The following FAR2 variants were observed in gnomAD, a reference collection of about 807,000 sequenced individuals.
The protein encoded by FAR2 is epididymis secretory protein Li 81.
In FAR2, 19 loss-of-function variants were observed where a neutral mutation model predicts 56.0. The observed-to-expected ratio is 0.34, with a 90% CI of 0.24 to 0.50. The LOEUF (loss-of-function observed/expected upper bound fraction) is 0.50. Among genes scored for constraint, FAR2 ranks in the 20% least tolerant of loss-of-function variants. FAR2 has a pLI of 0.98. For missense variants in FAR2, 508 were observed against 642.2 expected (o/e 0.79, Z 2.26); for synonymous variants, 219 against 218.8 (o/e 1.00, Z -0.01).
chr12:29,212,299 C>G (rs1947559995), intron 1 of FAR2, among the ~76,000 whole-genome samples: 1 of 151,916 alleles, frequency 6.6e-6, no homozygotes, highest in Admixed American at 6.6e-5. Context: ...AATCTAGTGA[C>G]CCATTTTAGG....
At chr12:29,272,430 A>C (rs1213433989) in intron 2 of FAR2, among the ~76,000 whole-genome samples, 3 of 152,170 alleles carry the variant, frequency 2.0e-5, no homozygotes, top group East Asian at 1.9e-4. Context: ...TCAGCTGCTG[A>C]TAACTGTGTA....
intron 1 of FAR2, among the ~76,000 whole-genome samples, chr12:29,197,623 A>G (rs557853662): frequency 1.3e-5 from 2 of 152,328 alleles, no homozygotes; most frequent in African/African-American, 4.8e-5. Flanking sequence ...GAAGCAAAAT[A>G]TGGATCCAGT....
intron 4 of FAR2, among the ~76,000 whole-genome samples, chr12:29,306,295 A>T (rs1020739859): frequency 2.0e-5 from 3 of 152,230 alleles, no homozygotes; most frequent in African/African-American, 7.2e-5. Context: ...AAGACATTTG[A>T]GTATCCAGAA....
At chr12:29,221,068 A>ATTT (rs1465721163) in intron 1 of FAR2, among the ~76,000 whole-genome samples, 1 of 151,858 alleles carries the variant, frequency 6.6e-6, no homozygotes, top group East Asian at 1.9e-4. Context: ...GCATGAAGTG[A>ATTT]GCGTGCGTAC....
chr12:29,247,100 G>T (rs1318377800), intron 1 of FAR2, among the ~76,000 whole-genome samples: 1 of 151,928 alleles, frequency 6.6e-6, no homozygotes, highest in Non-Finnish European at 1.5e-5. Context: ...CAATTTATTG[G>T]CACAGGTTAC....
rs956935952 is a variant in FAR2, at chr12:29,310,309, G to A, written c.769-719G>A. Among the ~76,000 whole-genome samples the A allele has an allele frequency of 5.9e-5, 9 of 152,136 alleles. No individual in the cohort carries two copies. The East Asian group carries it at 1.7e-3, about 29-fold the overall frequency. On this transcript the variant is annotated intron_variant, in intron 6 of 11. Coordinates refer to ENST00000536681, the MANE Select transcript of FAR2 (RefSeq NM_001271783.2). Reference sequence around the variant, plus strand: ...GCTAGTTATAAGAAAACAGAACTGAGTAACATAAGAAAGTGCTAATCGTTG... The same window carrying A: ...GCTAGTTATAAGAAAACAGAACTGAATAACATAAGAAAGTGCTAATCGTTG...
chr12:29,236,772 T>C (rs1591878018), intron 1 of FAR2, among the ~76,000 whole-genome samples: 1 of 152,216 alleles, frequency 6.6e-6, no homozygotes, highest in East Asian at 1.9e-4. Flanking sequence ...ATTATATCAT[T>C]TCCTTTGGTA....
chr12:29,199,795 T>A (rs1190887644), intron 1 of FAR2, among the ~76,000 whole-genome samples: 3 of 152,128 alleles, frequency 2.0e-5, no homozygotes, highest in Non-Finnish European at 4.4e-5. Context: ...ACTTTATAGA[T>A]TGATCTTATG....
At chr12:29,324,180 T>A (rs1247828082) in intron 10 of FAR2, among the ~76,000 whole-genome samples, 1 of 151,762 alleles carries the variant, frequency 6.6e-6, no homozygotes, top group African/African-American at 2.4e-5. Flanking sequence ...AAATGAAGCG[T>A]GAAGAGAAGT....
At chr12:29,175,283 G>A (rs1190958568) in intron 1 of FAR2, among the ~76,000 whole-genome samples, 5 of 152,242 alleles carry the variant, frequency 3.3e-5, no homozygotes, top group Admixed American at 6.5e-5. Context: ...ATGAAGCCGC[G>A]GACCTTCGTG....
chr12:29,257,734 A>G (rs981330297), intron 1 of FAR2, among the ~76,000 whole-genome samples: 4 of 152,128 alleles, frequency 2.6e-5, no homozygotes, highest in South Asian at 2.1e-4. Context: ...CAGCGAGACC[A>G]CGAACCCACC....
At chr12:29,204,856 A>T (rs1285711061) in intron 1 of FAR2, among the ~76,000 whole-genome samples, 15 of 152,136 alleles carry the variant, frequency 9.9e-5, no homozygotes, top group Admixed American at 9.8e-4. Context: ...CGGGAACAGC[A>T]CCAAGGAGAT....
chr12:29,256,151 C>T (rs756173246), intron 1 of FAR2, among the ~76,000 whole-genome samples: 93 of 151,954 alleles, frequency 6.1e-4, no homozygotes, highest in Non-Finnish European at 1.0e-3. Context: ...GGATTACAAG[C>T]GTGAGCCACT....
chr12:29,156,477 A>C (rs1949728327), intron 1 of FAR2: 1 of 152,066 alleles, frequency 6.6e-6, no homozygotes, highest in African/African-American at 2.4e-5. Context: ...CAAACATTTG[A>C]ACTCATATAT....
rs918228856 is a variant in FAR2 at position 29,289,739 on chromosome 12, C to T, written c.190-3561C>T. On this transcript the variant is annotated intron_variant, in intron 2 of 11. Coordinates refer to ENST00000536681, the MANE Select transcript of FAR2 (RefSeq NM_001271783.2). ...TCTACACAGCAAAGGATACAATCAACAAAGTGAAGAGACAAGCCACAGAAT... is the reference window on the plus strand; with the variant it reads ...TCTACACAGCAAAGGATACAATCAATAAAGTGAAGAGACAAGCCACAGAAT... Among the ~76,000 whole-genome samples, 13 of 152,164 alleles carry T rather than the reference C, an allele frequency of 8.5e-5. No homozygotes were observed. In the South Asian group the frequency reaches 1.0e-3, roughly 12 times the overall value.
chr12:29,240,023 CA>C (rs929985817), intron 1 of FAR2, among the ~76,000 whole-genome samples: 1 of 152,180 alleles, frequency 6.6e-6, no homozygotes, highest in Admixed American at 6.6e-5. Context: ...TCTGCTGCCC[CA>C]ATTTTCTAGC....
chr12:29,256,891 C>T (rs1046927430), intron 1 of FAR2, among the ~76,000 whole-genome samples: 8 of 152,242 alleles, frequency 5.3e-5, no homozygotes, highest in Non-Finnish European at 7.3e-5. Flanking sequence ...GGACAGGGCT[C>T]GGGACCTGCA....
At chr12:29,259,655 A>G (rs560910398) in intron 1 of FAR2, among the ~76,000 whole-genome samples, 32 of 152,330 alleles carry the variant, frequency 2.1e-4, no homozygotes, top group African/African-American at 7.5e-4. Flanking sequence ...AACTCTCTCT[A>G]TTCATAACCA....
chr12:29,153,721 G>T (rs201302460), intron 1 of FAR2, among the ~76,000 whole-genome samples: 1 of 152,178 alleles, frequency 6.6e-6, no homozygotes, highest in Non-Finnish European at 1.5e-5. Context: ...AGTACTGTCA[G>T]GGAGGAGGGA....
Sources: allele counts gnomAD v4.1 joint callset (sites outside exome capture counted in the v4.1 genomes callset), GRCh38; gene constraint gnomAD v4.1.1; transcripts MANE v1.5; gene names NCBI Gene and HGNC (gene_info 2026-07-23, HGNC 2026-07-21).